PLCG2: variants seen among roughly 807,000 people sequenced by gnomAD.
PLCG2 encodes the protein phospholipase C gamma 2, also known as 1-phosphatidylinositol 4,5-bisphosphate phosphodiesterase gamma-2.
Under a neutral mutation model 175.6 loss-of-function variants are expected in PLCG2, and 69 were observed. That is an observed-to-expected ratio of 0.39 (90% CI 0.32 to 0.48). The LOEUF is 0.48. Ranked by LOEUF, PLCG2 falls within the 20% of genes least tolerant of loss-of-function variation. PLCG2 has a pLI of 0.91. For synonymous variants in PLCG2, 827 were observed against 624.0 expected (o/e 1.33, Z -4.85); for missense variants, 1,798 against 1,650.9 (o/e 1.09, Z -1.54).
Position 81,912,552 on chromosome 16 carries a change from C to A in PLCG2, c.1935-45C>A, listed in dbSNP as rs756582897. The A allele has an allele frequency of 1.9e-6, 3 of 1,605,862 alleles. No homozygotes were observed. In the African/African-American group the frequency reaches 4.0e-5, roughly 21 times the overall value. The stretch of plus-strand genomic sequence containing the variant: ...CCTCTGCGGGTGGCCCACTGACAGC[C>A]TGGAGACCGCTCACCTGGTCGTTTT... On this transcript the variant is annotated intron_variant, in intron 18 of 32. Transcript: ENST00000564138.
At chr16:81,795,338 A>C (rs544261654) in intron 2 of PLCG2, among the ~76,000 whole-genome samples, 6 of 152,322 alleles carry the variant, frequency 3.9e-5, no homozygotes, top group Admixed American at 1.3e-4. Flanking sequence ...GTTTGAGCTG[A>C]GACTTGAAGG....
rs1909790978 is a variant in PLCG2, at chr16:81,750,663, A to ATTTGTTTTTTTT, written c.-144-5204_-144-5203insGTTTTTTTTTTT. Among the ~76,000 whole-genome samples the ATTTGTTTTTTTT allele has an allele frequency of 2.3e-4, 16 of 68,464 alleles. 2 individuals carry two copies. The highest frequency in any genetic ancestry group is 8.1e-4 in the African/African-American group (16 of 19,862). 44.9% of individuals were successfully genotyped at this position (68,464 alleles called of 152,430 possible). On this transcript the variant is annotated intron_variant, in intron 1 of 5. Coordinates refer to the PLCG2 transcript ENST00000565054. Reference sequence around the variant, plus strand: ...TTAAAAAGCAGAATGGGGACTGGAGATTTTTTTTTTTTTTTTTTTTTTGAG... The same window carrying ATTTGTTTTTTTT: ...TTAAAAAGCAGAATGGGGACTGGAGATTTGTTTTTTTTTTTTTTTTTTTTTTTTTTTTTTGAG...
intron 2 of PLCG2, among the ~76,000 whole-genome samples, chr16:81,840,565 C>G (rs568674498): frequency 3.6e-4 from 55 of 152,320 alleles, no homozygotes; most frequent in African/African-American, 1.2e-3. Flanking sequence ...GACAGATCAT[C>G]AGGCATTAGA....
chr16:81,778,091 G>T (rs1277211672), upstream of PLCG2, among the ~76,000 whole-genome samples: 5 of 128,966 alleles, frequency 3.9e-5, no homozygotes, highest in East Asian at 6.8e-4. Context: ...CAAAAAAAAC[G>T]CTATAACAGA....
chr16:81,848,686 C>T (rs1042424557), intron 2 of PLCG2, among the ~76,000 whole-genome samples: 3 of 152,154 alleles, frequency 2.0e-5, no homozygotes, highest in African/African-American at 7.2e-5. Flanking sequence ...CTGTCCCTTT[C>T]CTCTTTCCAA....
At chr16:81,811,744 C>T (rs527879409) in intron 2 of PLCG2, among the ~76,000 whole-genome samples, 27 of 152,196 alleles carry the variant, frequency 1.8e-4, no homozygotes, top group East Asian at 1.7e-3. Flanking sequence ...GTATATGTGC[C>T]ACATTTTCTT....
rs200677528 is a variant in PLCG2 at position 81,931,546 on chromosome 16, G to C, written c.2631G>C (p.Glu877Asp). The change falls in exon 25 of 33, where the codon GAG becomes GAC. Residue 877 changes from glutamate to aspartate, a missense_variant. Coordinates refer to ENST00000564138, the MANE Select transcript of PLCG2 (RefSeq NM_002661.5). ...KNQKSFVFIL[E>D]PKQQGDPPVE... is the part of the protein sequence containing the mutation. Reference sequence around the variant, plus strand: ...AGAAGTCCTTTGTCTTCATCCTGGAGCCCAAGCAGCAGGGCGATCCTCCGG... The same window carrying C: ...AGAAGTCCTTTGTCTTCATCCTGGACCCCAAGCAGCAGGGCGATCCTCCGG... 1.1e-4 allele frequency: 178 copies of C among 1,614,126 alleles called. No individual in the cohort carries two copies. Among genetic ancestry groups the C allele is most frequent in the Admixed American group, 1.2e-4 (7 of 60,020 alleles).
At chr16:81,947,503 C>T (rs1214889366) in intron 31 of PLCG2, among the ~76,000 whole-genome samples, 3 of 152,166 alleles carry the variant, frequency 2.0e-5, no homozygotes, top group African/African-American at 7.2e-5. Flanking sequence ...TTAATGCCCA[C>T]GGTCATACCT....
At chr16:81,851,466 G>A (rs187994351) in intron 2 of PLCG2, among the ~76,000 whole-genome samples, 1 of 152,228 alleles carries the variant, frequency 6.6e-6, no homozygotes, top group African/African-American at 2.4e-5. Context: ...TGCACAGGAT[G>A]TAGATGACGT....
chr16:81,850,048 G>A (rs559365076), intron 2 of PLCG2, among the ~76,000 whole-genome samples: 16 of 152,252 alleles, frequency 1.1e-4, no homozygotes, highest in African/African-American at 3.4e-4. Context: ...AAAAGTCAAA[G>A]GCACAAGAGA....
At chr16:81,774,161 G>A (rs893892721) in intron 2 of PLCG2, among the ~76,000 whole-genome samples, 21 of 102,574 alleles carry the variant, frequency 2.0e-4, no homozygotes, top group Admixed American at 1.1e-3. Context: ...GTGAAATCCC[G>A]TCTCTACTAA....
intron 3 of PLCG2, among the ~76,000 whole-genome samples, chr16:81,855,116 A>G (rs912598292): frequency 6.6e-6 from 1 of 151,794 alleles, no homozygotes; most frequent in Non-Finnish European, 1.5e-5. Context: ...AGGCTGAGGC[A>G]CAAGAATTGC....
chr16:81,859,778 CGCCCACCTTG>C (rs1206014009), intron 5 of PLCG2, among the ~76,000 whole-genome samples: 1 of 152,114 alleles, frequency 6.6e-6, no homozygotes, highest in Non-Finnish European at 1.5e-5. Flanking sequence ...CCTTGTGATC[CGCCCACCTTG>C]GCCTCCCAAA....
At chr16:81,862,575 T>A (rs957148125) in intron 5 of PLCG2, among the ~76,000 whole-genome samples, 1 of 152,176 alleles carries the variant, frequency 6.6e-6, no homozygotes, top group East Asian at 1.9e-4. Flanking sequence ...TTTCTTTTTT[T>A]AAATGTGCTA....
In PLCG2 at chr16:81,858,100, T is replaced by C. The variant is rs1906775476; in HGVS notation, c.338-163T>C. 3 of 614,270 alleles carry C rather than the reference T, an allele frequency of 4.9e-6. No individual in the cohort carries two copies. The Admixed American group carries it at 7.7e-5, about 16-fold the overall frequency. 38.1% of individuals were successfully genotyped at this position (614,270 alleles called of 1,614,324 possible). A position where few individuals can be genotyped will look rare whatever the true frequency, so the allele number is the denominator to read the frequency against. The stretch of plus-strand genomic sequence containing the variant: ...CCCATCTCAGACAAAAAGCAGGTCC[T>C]AGGGCCATGACGGTGTGAAAGGGGA... On this transcript the variant is annotated intron_variant, in intron 3 of 32. Coordinates refer to ENST00000564138, the MANE Select transcript of PLCG2 (RefSeq NM_002661.5).
At chr16:81,884,455 AGT>A (rs1200793093) in intron 9 of PLCG2, among the ~76,000 whole-genome samples, 1 of 151,750 alleles carries the variant, frequency 6.6e-6, no homozygotes, top group African/African-American at 2.4e-5. Flanking sequence ...ACTCTGTGAG[AGT>A]GAGATCAACT....
intron 9 of PLCG2, 76 bp downstream of exon 9, chr16:81,883,417 C>T (rs1024873902): frequency 5.1e-6 from 6 of 1,175,128 alleles, no homozygotes; most frequent in Non-Finnish European, 6.3e-6. Context: ...CCTTCTGCCG[C>T]CTGTGCTCAC....
intron 2 of PLCG2, among the ~76,000 whole-genome samples, chr16:81,772,591 C>G (rs887160068): frequency 4.0e-5 from 6 of 151,534 alleles, no homozygotes; most frequent in Non-Finnish European, 7.4e-5. Flanking sequence ...GGGTGGATCA[C>G]CTGAGGTCAG....
intron 9 of PLCG2, 48 bp downstream of exon 9, chr16:81,883,389 G>C (rs376226106): frequency 4.0e-6 from 6 of 1,489,444 alleles, no homozygotes; most frequent in Middle Eastern, 1.7e-4. Flanking sequence ...GCGGGATGCT[G>C]CTGGGGACTA....
Sources: allele counts gnomAD v4.1 joint callset (sites outside exome capture counted in the v4.1 genomes callset), GRCh38; gene constraint gnomAD v4.1.1; transcripts MANE v1.5; gene names NCBI Gene and HGNC (gene_info 2026-07-23, HGNC 2026-07-21).